NAALADL2: variants seen among roughly 807,000 people sequenced by gnomAD.
NAALADL2 encodes N-acetylated alpha-linked acidic dipeptidase like 2, also known as inactive N-acetylated-alpha-linked acidic dipeptidase-like protein 2.
Under a neutral mutation model 87.2 loss-of-function variants are expected in NAALADL2, and 76 were observed. The ratio of observed to expected loss-of-function variants is 0.87; its 90% confidence interval spans 0.72 to 1.05. The LOEUF (loss-of-function observed/expected upper bound fraction) is 1.05. Ranked by LOEUF, NAALADL2 falls within the 50% of genes least tolerant of loss-of-function variation. NAALADL2 has a pLI of 0.00. For missense variants in NAALADL2, 1,089 were observed against 945.8 expected, an observed-to-expected ratio of 1.15 and a Z score of -1.99; for synonymous variants, 354 against 331.0, an observed-to-expected ratio of 1.07 and a Z score of -0.75.
At chr3:175,793,951 A>T (rs1753142428) in intron 13 of NAALADL2, among the ~76,000 whole-genome samples, 1 of 152,198 alleles carries the variant, frequency 6.6e-6, no homozygotes, top group Non-Finnish European at 1.5e-5. Context: ...TTGGCTTTAG[A>T]GTGAACTTCA....
chr3:175,471,769 C>T lies in NAALADL2; in HGVS notation c.1653+11C>T, dbSNP rs1358298217. The stretch of plus-strand genomic sequence containing the variant: ...CAACTGGTAGTAGAGGTAAGACAAA[C>T]CACTATTGTATCAAATGATTATGCA... On this transcript the variant is annotated intron_variant, in intron 9 of 13. Coordinates refer to ENST00000454872, the MANE Select transcript of NAALADL2 (RefSeq NM_207015.3). The T allele has an allele frequency of 6.3e-7, 1 of 1,590,694 alleles. No individual in the cohort carries two copies. Among genetic ancestry groups the T allele is most frequent in the East Asian group, 2.3e-5 (1 of 43,776 alleles).
At chr3:174,824,612 A>G (rs1436948344) in intron 3 of NAALADL2, among the ~76,000 whole-genome samples, 1 of 152,232 alleles carries the variant, frequency 6.6e-6, no homozygotes, top group African/African-American at 2.4e-5. Flanking sequence ...CAATGAATAT[A>G]ATAAAGTTAG....
At chr3:174,572,948 AC>A (rs1267249955) in intron 2 of NAALADL2, among the ~76,000 whole-genome samples, 1 of 152,158 alleles carries the variant, frequency 6.6e-6, no homozygotes, top group African/African-American at 2.4e-5. Flanking sequence ...AGAATAAGAG[AC>A]CCAGAGAAGT....
chr3:175,381,455 A>C (rs539339648), intron 5 of NAALADL2, among the ~76,000 whole-genome samples: 2 of 151,934 alleles, frequency 1.3e-5, no homozygotes, highest in Non-Finnish European at 2.9e-5. Flanking sequence ...ATTTGTTTTA[A>C]GCCTCAAAAA....
intron 2 of NAALADL2, among the ~76,000 whole-genome samples, chr3:175,210,863 T>G (rs530107960): frequency 3.2e-4 from 48 of 151,958 alleles, no homozygotes; most frequent in African/African-American, 1.2e-3. Context: ...CTTTAAAACT[T>G]ATATGCCTTT....
chr3:174,666,170 A>G (rs1031554889), intron 2 of NAALADL2, among the ~76,000 whole-genome samples: 3 of 152,180 alleles, frequency 2.0e-5, no homozygotes, highest in Non-Finnish European at 2.9e-5. Context: ...TATACTTACC[A>G]TAGAAGCATA....
At chr3:174,918,497 A>G (rs750538249) in intron 1 of NAALADL2, among the ~76,000 whole-genome samples, 12 of 152,166 alleles carry the variant, frequency 7.9e-5, no homozygotes, top group Non-Finnish European at 1.2e-4. Context: ...AGCTAAGCTC[A>G]CTTGTGCATC....
intron 3 of NAALADL2, among the ~76,000 whole-genome samples, chr3:174,844,780 G>T (rs9868028): frequency 0.36 from 52,162 of 143,690 alleles, 9,612 homozygotes; most frequent in East Asian, 0.48. Flanking sequence ...TACTGATTTT[G>T]GTGCATTGAT....
rs111649802 is a variant in NAALADL2, at chr3:175,690,430, C to T, written c.1897-46876C>T. Among the ~76,000 whole-genome samples the T allele has an allele frequency of 8.9e-3, 1,355 of 152,092 alleles. 19 individuals are homozygous for T. Among genetic ancestry groups the T allele is most frequent in the African/African-American group, 0.031 (1,275 of 41,512 alleles). On this transcript the variant is annotated intron_variant, in intron 11 of 13. Transcript: ENST00000454872. The stretch of plus-strand genomic sequence containing the variant: ...CAAACATGAGAAAAATCTGTTGGCT[C>T]TGATAAAGATGTTAATTTAAGATCA...
chr3:175,012,034 A>G (rs1294330805), intron 1 of NAALADL2, among the ~76,000 whole-genome samples: 1 of 152,220 alleles, frequency 6.6e-6, no homozygotes, highest in African/African-American at 2.4e-5. Flanking sequence ...TGGCAATGCC[A>G]GCAAAATTAA....
chr3:175,456,102 A>G (rs556488231), intron 6 of NAALADL2, among the ~76,000 whole-genome samples: 14 of 152,172 alleles, frequency 9.2e-5, no homozygotes, highest in Admixed American at 2.6e-4. Context: ...ATTATTCACA[A>G]TACAGGTGAA....
intron 3 of NAALADL2, among the ~76,000 whole-genome samples, chr3:174,757,191 A>G (rs1188977676): frequency 1.3e-5 from 2 of 152,196 alleles, no homozygotes; most frequent in African/African-American, 2.4e-5. Context: ...TTTGAAGATC[A>G]TTTTGCTTAT....
At chr3:175,464,708 G>A (rs1383861708) in intron 7 of NAALADL2, among the ~76,000 whole-genome samples, 1 of 152,068 alleles carries the variant, frequency 6.6e-6, no homozygotes, top group Non-Finnish European at 1.5e-5. Context: ...CAGCCTCCCA[G>A]TTTCTTGCTG....
chr3:174,610,411 A>C (rs1398696883), intron 2 of NAALADL2, among the ~76,000 whole-genome samples: 1 of 151,578 alleles, frequency 6.6e-6, no homozygotes, highest in South Asian at 2.1e-4. Context: ...TTCGCAACCT[A>C]CTCATCTGAC....
chr3:174,459,274 T>G (rs1716050080), intron 1 of NAALADL2: 1 of 152,162 alleles, frequency 6.6e-6, no homozygotes, highest in Admixed American at 6.6e-5. Flanking sequence ...GAAATGCTCA[T>G]CCAGTATCTG....
chr3:175,160,164 T>G (rs1013073388), intron 2 of NAALADL2, among the ~76,000 whole-genome samples: 1 of 151,710 alleles, frequency 6.6e-6, no homozygotes, highest in Non-Finnish European at 1.5e-5. Flanking sequence ...GAAATTAAAG[T>G]GATATTCACT....
intron 2 of NAALADL2, among the ~76,000 whole-genome samples, chr3:175,129,873 T>C (rs746859115): frequency 1.1e-3 from 164 of 152,304 alleles, no homozygotes; most frequent in Middle Eastern, 6.8e-3. Context: ...TAGTCCTTTT[T>C]TAACTTTTTG....
At chr3:174,776,767 T>A (rs1261717379) in intron 3 of NAALADL2, among the ~76,000 whole-genome samples, 1 of 152,170 alleles carries the variant, frequency 6.6e-6, no homozygotes, top group East Asian at 1.9e-4. Context: ...GGTGGCAGTG[T>A]GATAAAATTA....
At chr3:174,599,151 G>C (rs1718205092) in intron 2 of NAALADL2, among the ~76,000 whole-genome samples, 2 of 152,142 alleles carry the variant, frequency 1.3e-5, no homozygotes, top group African/African-American at 4.8e-5. Context: ...GCTTCTTGCT[G>C]TTTTGCTGAT....
Sources: allele counts gnomAD v4.1 joint callset (sites outside exome capture counted in the v4.1 genomes callset), GRCh38; gene constraint gnomAD v4.1.1; transcripts MANE v1.5; gene names NCBI Gene and HGNC (gene_info 2026-07-23, HGNC 2026-07-21).